The following NDUFAF6 variants were observed in gnomAD, a reference collection of about 807,000 sequenced individuals.
The protein encoded by NDUFAF6 is NADH:ubiquinone oxidoreductase complex assembly factor 6.
In NDUFAF6, 45 loss-of-function variants were observed where a neutral mutation model predicts 40.8. The observed-to-expected ratio is 1.10, with a 90% confidence interval of 0.87 to 1.42. The LOEUF is 1.42. Ranked by LOEUF, NDUFAF6 falls within the 40% of genes most tolerant of loss-of-function variation. The pLI, the probability that NDUFAF6 is intolerant of heterozygous loss-of-function variation, is 0.00. For missense variants in NDUFAF6, 435 were observed against 418.5 expected (o/e 1.04, Z -0.34); for synonymous variants, 185 against 155.9 (o/e 1.19, Z -1.39).
At chr8:94,968,336 A>T (rs1351317245) in intron 1 of NDUFAF6, among the ~76,000 whole-genome samples, 1 of 152,210 alleles carries the variant, frequency 6.6e-6, no homozygotes, top group African/African-American at 2.4e-5. Flanking sequence ...GTCAGTGGAG[A>T]CAGGCAATAA....
At chr8:94,923,784 A>G (rs146713021) in intron 1 of NDUFAF6, among the ~76,000 whole-genome samples, 2,338 of 150,126 alleles carry the variant, frequency 0.016, 70 homozygotes, top group African/African-American at 0.054. Flanking sequence ...GGTTCAAGCA[A>G]TTCTTCTGCC....
intron 4 of NDUFAF6, among the ~76,000 whole-genome samples, chr8:95,111,944 TG>T (rs1287886986): frequency 6.6e-6 from 1 of 152,206 alleles, no homozygotes; most frequent in Non-Finnish European, 1.5e-5. Context: ...GCTTCCAGTA[TG>T]GTTCTTCTGC....
chr8:94,910,983 A>G (rs1411931677), intron 1 of NDUFAF6, among the ~76,000 whole-genome samples: 1 of 152,246 alleles, frequency 6.6e-6, no homozygotes, highest in Non-Finnish European at 1.5e-5. Flanking sequence ...TTGCAGAGTG[A>G]TGTTAATGGA....
intron 2 of NDUFAF6, among the ~76,000 whole-genome samples, chr8:95,000,849 A>C (rs1045943427): frequency 6.6e-6 from 1 of 152,088 alleles, no homozygotes; most frequent in South Asian, 2.1e-4. Context: ...AGGCACAAGA[A>C]TGGCTTGAAC....
chr8:94,915,433 G>A (rs1819066688), intron 1 of NDUFAF6, among the ~76,000 whole-genome samples: 1 of 152,200 alleles, frequency 6.6e-6, no homozygotes, highest in South Asian at 2.1e-4. Context: ...GTGTTCTGTG[G>A]TATATGTGTA....
At chr8:95,029,941 GC>G (rs1411842803) in intron 1 of NDUFAF6, among the ~76,000 whole-genome samples, 5 of 151,912 alleles carry the variant, frequency 3.3e-5, no homozygotes, top group Non-Finnish European at 7.4e-5. Context: ...AGCAAGAAGT[GC>G]ATACTTACTT....
At chr8:95,024,126 C>A (rs1044010411), upstream of NDUFAF6, among the ~76,000 whole-genome samples, 4 of 152,264 alleles carry the variant, frequency 2.6e-5, no homozygotes, top group African/African-American at 7.2e-5. Flanking sequence ...GAGTTCCATG[C>A]TGGACCTTGG....
chr8:95,081,435 A>G (rs1459215737), intron 2 of NDUFAF6, among the ~76,000 whole-genome samples: 1 of 151,724 alleles, frequency 6.6e-6, no homozygotes, highest in Admixed American at 6.6e-5. Flanking sequence ...CTCCCGAAGT[A>G]CTGGGATTAC....
chr8:94,947,221 G>C (rs992694161), intron 2 of NDUFAF6, among the ~76,000 whole-genome samples: 1 of 150,296 alleles, frequency 6.7e-6, no homozygotes, highest in Non-Finnish European at 1.5e-5. Context: ...ATGGGTCTAC[G>C]AACTTCAGAA....
intron 1 of NDUFAF6, among the ~76,000 whole-genome samples, chr8:94,905,183 G>C (rs188859867): frequency 6.6e-6 from 1 of 152,238 alleles, no homozygotes; most frequent in Non-Finnish European, 1.5e-5. Context: ...CCAACTAGGG[G>C]AGACTATGTC....
intron 2 of NDUFAF6, among the ~76,000 whole-genome samples, chr8:94,945,983 A>T (rs1821949824): frequency 6.6e-6 from 1 of 152,214 alleles, no homozygotes; most frequent in Non-Finnish European, 1.5e-5. Flanking sequence ...TTAAAAAATA[A>T]ATTATGTCTT....
chr8:94,902,135 T>C (rs1818059905), intron 1 of NDUFAF6, among the ~76,000 whole-genome samples: 2 of 152,020 alleles, frequency 1.3e-5, no homozygotes, highest in African/African-American at 4.8e-5. Context: ...ATGAAAGGTA[T>C]AGCCCGGGCG....
intron 2 of NDUFAF6, among the ~76,000 whole-genome samples, chr8:95,009,176 G>A (rs998926568): frequency 1.3e-5 from 2 of 151,442 alleles, no homozygotes; most frequent in African/African-American, 2.4e-5. Context: ...CTCCAGCCTG[G>A]GCCACAGAGC....
Position 95,035,596 on chromosome 8 carries a change from A to G in NDUFAF6, c.420+20A>G, listed in dbSNP as rs764288994. 6 of 1,589,850 alleles carry G rather than the reference A, an allele frequency of 3.8e-6. No individual in the cohort carries two copies. In the African/African-American group the frequency reaches 4.1e-5, roughly 11 times the overall value. On this transcript the variant is annotated intron_variant, in intron 3 of 8. Coordinates refer to ENST00000396124, the MANE Select transcript of NDUFAF6 (RefSeq NM_152416.4). ...TGGAAGGTAAAAAAAAAAAAATACC[A>G]CTTTTAATTTGTATGAATATTATTC... is the stretch of plus-strand genomic sequence containing the variant.
At chr8:94,903,279 A>G (rs148042357) in intron 1 of NDUFAF6, among the ~76,000 whole-genome samples, 1,725 of 152,212 alleles carry the variant, frequency 0.011, 15 homozygotes, top group Middle Eastern at 0.02. Context: ...GGATCACTTG[A>G]GCCCAGGAGG....
intron 1 of NDUFAF6, among the ~76,000 whole-genome samples, chr8:94,919,937 A>G (rs1410780498): frequency 6.6e-6 from 1 of 152,236 alleles, no homozygotes; most frequent in African/African-American, 2.4e-5. Flanking sequence ...TCAAAATTAA[A>G]GTGGAGCAGA....
chr8:94,933,135 T>C (rs905973399), intron 1 of NDUFAF6, among the ~76,000 whole-genome samples: 2 of 151,708 alleles, frequency 1.3e-5, no homozygotes, highest in Non-Finnish European at 2.9e-5. Flanking sequence ...GGAGAATCAC[T>C]TGAACCCAGT....
At chr8:94,956,197 A>G (rs1334148825), upstream of NDUFAF6, among the ~76,000 whole-genome samples, 1 of 152,226 alleles carries the variant, frequency 6.6e-6, no homozygotes, top group Non-Finnish European at 1.5e-5. Context: ...AGCATTTAAT[A>G]CAATGCTTGG....
chr8:95,055,235 A>C (rs1831976532), intron 8 of NDUFAF6: 1 of 152,184 alleles, frequency 6.6e-6, no homozygotes, highest in Non-Finnish European at 1.5e-5. Flanking sequence ...GGCAGCACAT[A>C]TACTAAATTT....
Sources: gnomAD v4.1 joint callset for allele counts (sites outside exome capture counted in the v4.1 genomes callset) on GRCh38, gnomAD v4.1.1 for gene constraint, MANE v1.5 for transcripts, NCBI Gene and HGNC (gene_info 2026-07-23, HGNC 2026-07-21) for gene names.